Variants in SCOC observed in about 807,000 individuals in gnomAD.
SCOC encodes short coiled coil protein.
A neutral mutation model predicts 9.9 loss-of-function variants in SCOC; 7 were observed. That is an observed-to-expected ratio of 0.71 (90% CI 0.40 to 1.33). The LOEUF (loss-of-function observed/expected upper bound fraction) is 1.33. Ranked by LOEUF, SCOC falls within the 40% of genes most tolerant of loss-of-function variation. The pLI is 0.01. For missense variants in SCOC, 66 were observed against 89.7 expected (o/e 0.74, Z 1.07); for synonymous variants, 19 against 28.2 (o/e 0.67, Z 1.03).
At position 140,264,131 on chromosome 4, in the gene SCOC, C is replaced by T. The variant is rs577786792; in HGVS notation, c.-19+6721C>T. Among the ~76,000 whole-genome samples, 14 of 152,302 alleles carry T rather than the reference C, an allele frequency of 9.2e-5. No homozygotes were observed. The East Asian group carries it at 9.7e-4, about 11-fold the overall frequency. On this transcript the variant is annotated intron_variant, in intron 1 of 4. Transcript: ENST00000394205. Reference sequence around the variant, plus strand: ...TCTCCTGCCTCAGCCTCCTGAGTAGCTGGGGCTATAGGCATGCACCACCAC... The same window carrying T: ...TCTCCTGCCTCAGCCTCCTGAGTAGTTGGGGCTATAGGCATGCACCACCAC...
Position 140,380,125 on chromosome 4 carries a change from A to G in SCOC, c.106+473A>G, listed in dbSNP as rs1322092944. Among the ~76,000 whole-genome samples, 9 of 150,880 alleles carry G rather than the reference A, an allele frequency of 6.0e-5. No individual in the cohort carries two copies. In the East Asian group the frequency reaches 7.8e-4, roughly 13 times the overall value. On this transcript the variant is annotated intron_variant, in intron 3 of 3. Transcript: ENST00000608372. ...CAGATCATGTCACTCAGAACCTCCC[A>G]CTGATTTACATTTTACAGAGTTAAT... is the stretch of plus-strand genomic sequence containing the variant.
intron 2 of SCOC, among the ~76,000 whole-genome samples, chr4:140,349,971 C>T (rs574164874): frequency 1.3e-5 from 2 of 152,304 alleles, no homozygotes; most frequent in East Asian, 3.9e-4. Flanking sequence ...CCCAGCTCTC[C>T]CTATCTTTTC....
At chr4:140,314,801 A>G (rs1392947350) in intron 1 of SCOC, among the ~76,000 whole-genome samples, 2 of 152,160 alleles carry the variant, frequency 1.3e-5, no homozygotes, top group South Asian at 2.1e-4. Flanking sequence ...GAAGGCAATG[A>G]GATGTCCAGG....
chr4:140,261,531 A>G (rs769848051), intron 1 of SCOC, among the ~76,000 whole-genome samples: 15 of 152,184 alleles, frequency 9.9e-5, no homozygotes, highest in Non-Finnish European at 8.8e-5. Context: ...CCAACAGAAA[A>G]GGCTGAGTGC....
intron 1 of SCOC, chr4:140,283,698 T>C (rs1301681724): frequency 6.6e-6 from 1 of 152,216 alleles, no homozygotes; most frequent in Non-Finnish European, 1.5e-5. Flanking sequence ...GAAAGGAACA[T>C]GGCCTTGGAT....
At chr4:140,368,922 G>A (rs1427227065), upstream of SCOC, among the ~76,000 whole-genome samples, 13 of 151,860 alleles carry the variant, frequency 8.6e-5, no homozygotes, top group Non-Finnish European at 1.9e-4. Flanking sequence ...AGAGTGAACT[G>A]GAGTCTCACG....
intron 2 of SCOC, chr4:140,362,857 C>G (rs1273852157): frequency 2.0e-5 from 3 of 152,100 alleles, no homozygotes; most frequent in African/African-American, 7.2e-5. Flanking sequence ...GAGTTTGACA[C>G]AGAACTAAAG....
rs144160346 is a variant in SCOC, at chr4:140,306,329, G to A, written c.-18-37292G>A. Among the ~76,000 whole-genome samples, 32 of 152,220 alleles carry A rather than the reference G, an allele frequency of 2.1e-4. No individual in the cohort carries two copies. In the East Asian group the frequency reaches 4.5e-3, roughly 21 times the overall value. ...TTACCTCTCATCGGGTCTTTCCCAC[G>A]ACAAGTGGGAATTAGGGGAGCTACA... is the stretch of plus-strand genomic sequence containing the variant. On this transcript the variant is annotated intron_variant, in intron 1 of 4. Coordinates refer to the SCOC transcript ENST00000394205.
At chr4:140,284,244 A>AG (rs1485917985) in intron 1 of SCOC, 1 of 151,112 alleles carries the variant, frequency 6.6e-6, no homozygotes, top group Non-Finnish European at 1.5e-5. Context: ...TAATAATTAA[A>AG]AAAAAAACCC....
At chr4:140,285,184 A>G in intron 1 of SCOC, 1 of 456,762 alleles carries the variant, frequency 2.2e-6, no homozygotes, top group Non-Finnish European at 4.4e-6. Context: ...TCTTACTCCA[A>G]AGTTGTGTTC....
chr4:140,259,297 C>G (rs1578748788), intron 1 of SCOC, among the ~76,000 whole-genome samples: 1 of 152,332 alleles, frequency 6.6e-6, no homozygotes, highest in East Asian at 1.9e-4. Context: ...TTCATAATAT[C>G]TCTTGCATTT....
At chr4:140,304,054 A>G (rs1479361044) in intron 1 of SCOC, among the ~76,000 whole-genome samples, 2 of 152,190 alleles carry the variant, frequency 1.3e-5, no homozygotes, top group Non-Finnish European at 2.9e-5. Flanking sequence ...GAGATGACAC[A>G]CATACAACTA....
At chr4:140,284,161 C>G (rs1731166305) in intron 1 of SCOC, 1 of 151,868 alleles carries the variant, frequency 6.6e-6, no homozygotes, top group Non-Finnish European at 1.5e-5. Flanking sequence ...TTCAATTTTC[C>G]TAAATGTCAA....
At chr4:140,339,877 G>A (rs1726434979), upstream of SCOC, among the ~76,000 whole-genome samples, 1 of 152,186 alleles carries the variant, frequency 6.6e-6, no homozygotes, top group African/African-American at 2.4e-5. Flanking sequence ...TTCAACCATT[G>A]TGGAAGACAG....
chr4:140,275,176 T>A (rs1010339260), intron 1 of SCOC, among the ~76,000 whole-genome samples: 3 of 152,200 alleles, frequency 2.0e-5, no homozygotes. Context: ...TCTTAAATCC[T>A]CTCATTTCAA....
At chr4:140,279,230 A>G (rs1177594681) in intron 1 of SCOC, among the ~76,000 whole-genome samples, 1 of 152,180 alleles carries the variant, frequency 6.6e-6, no homozygotes, top group Non-Finnish European at 1.5e-5. Context: ...GAGCTCAGGA[A>G]AGCCTTTGCA....
At chr4:140,283,863 C>A in intron 1 of SCOC, 1 of 152,286 alleles carries the variant, frequency 6.6e-6, no homozygotes, top group African/African-American at 2.4e-5. Flanking sequence ...AAGGAGGTCA[C>A]TCTATTAGTG....
chr4:140,270,139 C>A (rs1450781062), intron 1 of SCOC, among the ~76,000 whole-genome samples: 1 of 152,138 alleles, frequency 6.6e-6, no homozygotes, highest in Non-Finnish European at 1.5e-5. Flanking sequence ...TGAGTGCCTG[C>A]TGCAAGCCCC....
At chr4:140,317,346 T>A (rs953826243) in intron 1 of SCOC, among the ~76,000 whole-genome samples, 1 of 152,180 alleles carries the variant, frequency 6.6e-6, no homozygotes, top group African/African-American at 2.4e-5. Context: ...GGCCTGGTAG[T>A]TAAAAATCAA....
Sources: gnomAD v4.1 joint callset for allele counts (sites outside exome capture counted in the v4.1 genomes callset) on GRCh38, gnomAD v4.1.1 for gene constraint, MANE v1.5 for transcripts, NCBI Gene and HGNC (gene_info 2026-07-23, HGNC 2026-07-21) for gene names.